The following RBFOX1 variants were observed in gnomAD, a reference collection of about 807,000 sequenced individuals.
RBFOX1 encodes the protein RNA binding protein fox-1 homolog 1.
In RBFOX1, 8 loss-of-function variants were observed where a neutral mutation model predicts 57.7. The ratio of observed to expected loss-of-function variants is 0.14; its 90% CI spans 0.08 to 0.25. RBFOX1 has a LOEUF of 0.25. Among genes scored for constraint, RBFOX1 ranks in the 10% least tolerant of loss-of-function variants. The probability of loss-of-function intolerance (pLI) is 1.00; values close to 1 mark genes in which losing one functional copy is unlikely to be tolerated. For missense variants in RBFOX1, 611 were observed against 548.5 expected, an observed-to-expected ratio of 1.11 and a Z score of -1.14; for synonymous variants, 326 against 222.4, an observed-to-expected ratio of 1.47 and a Z score of -4.15.
rs190528031 is a variant in RBFOX1, at chr16:6,187,961, A to G, written c.-126-129034A>G. On this transcript the variant is annotated intron_variant, in intron 1 of 15. Transcript: ENST00000550418. ...ACATGAATGTGTGTATTTAATCTCAACTATTCTTATTTTGCCATGAAATTA... is the reference window on the plus strand; with the variant it reads ...ACATGAATGTGTGTATTTAATCTCAGCTATTCTTATTTTGCCATGAAATTA... Among the ~76,000 whole-genome samples the G allele has an allele frequency of 3.9e-3, 600 of 152,252 alleles. 9 individuals carry two copies. The highest frequency in any genetic ancestry group is 2.4e-3 in the Non-Finnish European group (161 of 68,028).
intron 3 of RBFOX1, among the ~76,000 whole-genome samples, chr16:6,848,074 C>A (rs559817115): frequency 1.9e-4 from 29 of 152,052 alleles, no homozygotes; most frequent in Non-Finnish European, 2.8e-4. Context: ...TCAAGTGATC[C>A]ACCCACCTTG....
chr16:5,618,668 CAA>C (rs776938791), intron 3 of RBFOX1, among the ~76,000 whole-genome samples: 11 of 152,126 alleles, frequency 7.2e-5, no homozygotes, highest in Non-Finnish European at 1.3e-4. Context: ...AGTTATACCT[CAA>C]AAAAACTGTT....
rs566493163 is a variant in RBFOX1, at chr16:7,635,081, T to TATTA, written c.757+4399_757+4402dup. Among the ~76,000 whole-genome samples the TATTA allele has an allele frequency of 2.0e-5, 3 of 152,186 alleles. No homozygotes were observed. In the South Asian group the frequency reaches 6.2e-4, roughly 32 times the overall value. On this transcript the variant is annotated intron_variant, in intron 11 of 15. Coordinates refer to ENST00000550418, the MANE Select transcript of RBFOX1 (RefSeq NM_018723.4). Reference sequence around the variant, plus strand: ...TTGTTGAGGGGAAAGGTACTAGGTGTATTATTGCCAGCGCTGTTTTGCATA... The same window carrying TATTA: ...TTGTTGAGGGGAAAGGTACTAGGTGTATTAATTATTGCCAGCGCTGTTTTGCATA...
At chr16:7,361,942 G>C (rs1285579580) in intron 4 of RBFOX1, among the ~76,000 whole-genome samples, 1 of 150,592 alleles carries the variant, frequency 6.6e-6, no homozygotes, top group Non-Finnish European at 1.5e-5. Flanking sequence ...GTGTATGTGT[G>C]TGCATGTTTT....
intron 4 of RBFOX1, among the ~76,000 whole-genome samples, chr16:6,006,753 C>G (rs551911533): frequency 6.6e-6 from 1 of 152,240 alleles, no homozygotes; most frequent in African/African-American, 2.4e-5. Context: ...ATAATACCAG[C>G]TAAAGCTGTT....
intron 4 of RBFOX1, among the ~76,000 whole-genome samples, chr16:7,455,073 C>G (rs189201817): frequency 6.6e-6 from 1 of 152,312 alleles, no homozygotes; most frequent in African/African-American, 2.4e-5. Flanking sequence ...CTAGGCACAA[C>G]GGATTCGATA....
At chr16:7,055,989 A>C (rs1395084772) in intron 4 of RBFOX1, among the ~76,000 whole-genome samples, 2 of 152,130 alleles carry the variant, frequency 1.3e-5, no homozygotes, top group Non-Finnish European at 2.9e-5. Context: ...CTTCCATCCT[A>C]ACCTATATCC....
At position 5,316,300 on chromosome 16, in the gene RBFOX1, G is replaced by A. The variant is rs375953881; in HGVS notation, c.219+76195G>A. ...CTTATTGCATTTCCTCAAGACACTT[G>A]CCTCAGTGTGGCATTGCACCTTCTA... is the stretch of plus-strand genomic sequence containing the variant. On this transcript the variant is annotated intron_variant, in intron 1 of 2. Transcript: ENST00000585867. Among the ~76,000 whole-genome samples, 12 of 152,298 alleles carry A rather than the reference G, an allele frequency of 7.9e-5. No individual in the cohort carries two copies. In the East Asian group the frequency reaches 1.9e-3, roughly 25 times the overall value.
At chr16:5,341,969 C>T (rs936394073) in intron 1 of RBFOX1, among the ~76,000 whole-genome samples, 9 of 152,238 alleles carry the variant, frequency 5.9e-5, no homozygotes, top group African/African-American at 2.2e-4. Flanking sequence ...TTTGGATCAC[C>T]CTTTTGGGAA....
chr16:6,544,763 T>A (rs758779559), intron 2 of RBFOX1, among the ~76,000 whole-genome samples: 15 of 152,176 alleles, frequency 9.9e-5, no homozygotes, highest in Non-Finnish European at 2.2e-4. Context: ...AACACTCCTC[T>A]CTCAAAGATA....
chr16:7,429,463 G>A (rs2098657331), intron 4 of RBFOX1, among the ~76,000 whole-genome samples: 1 of 152,144 alleles, frequency 6.6e-6, no homozygotes, highest in Admixed American at 6.5e-5. Flanking sequence ...CCAGCACACT[G>A]TACTTTTCCT....
intron 3 of RBFOX1, among the ~76,000 whole-genome samples, chr16:7,015,995 G>T (rs1287734871): frequency 6.6e-6 from 1 of 152,078 alleles, no homozygotes; most frequent in African/African-American, 2.4e-5. Context: ...AGTAGTTATT[G>T]CTGTGTGGTG....
intron 4 of RBFOX1, among the ~76,000 whole-genome samples, chr16:7,088,351 A>C (rs77293349): frequency 1.3e-5 from 2 of 152,132 alleles, no homozygotes; most frequent in African/African-American, 4.8e-5. Context: ...TTTCTCTCTC[A>C]CAAGTGACTA....
chr16:6,932,892 A>G (rs959671889), intron 3 of RBFOX1, among the ~76,000 whole-genome samples: 3 of 151,956 alleles, frequency 2.0e-5, no homozygotes, highest in Non-Finnish European at 4.4e-5. Flanking sequence ...TTAAACATTA[A>G]CTCCCATTAT....
At chr16:6,941,901 G>A (rs1039339873) in intron 3 of RBFOX1, among the ~76,000 whole-genome samples, 1 of 152,130 alleles carries the variant, frequency 6.6e-6, no homozygotes. Context: ...TCAAATGCCT[G>A]TGCTCAAGCA....
rs202168791 is a variant in RBFOX1 at position 7,671,633 on chromosome 16, C to G, written c.931-5141C>G. 3.8e-5 allele frequency: 60 copies of G among 1,584,624 alleles called. 1 individual carries two copies. The Admixed American group carries it at 8.8e-4, about 23-fold the overall frequency. The stretch of plus-strand genomic sequence containing the variant: ...TCCCGACTGGTGGAGAAACTCATCA[C>G]TATGATTGTGGGTTTGCTGTGAAAT... On this transcript the variant is annotated intron_variant, in intron 13 of 15. Transcript: ENST00000550418.
chr16:6,354,936 G>T (rs1241630443), intron 2 of RBFOX1, among the ~76,000 whole-genome samples: 2 of 152,130 alleles, frequency 1.3e-5, no homozygotes, highest in Non-Finnish European at 2.9e-5. Flanking sequence ...AGACCCAAGT[G>T]CTCTGCAGAT....
chr16:5,774,715 C>G (rs74006278), intron 3 of RBFOX1, among the ~76,000 whole-genome samples: 4,326 of 152,250 alleles, frequency 0.028, 203 homozygotes, highest in African/African-American at 0.097. Flanking sequence ...TAAAGTCTCA[C>G]TCTCTCGCCC....
chr16:5,968,806 GT>G, intron 4 of RBFOX1, among the ~76,000 whole-genome samples: 1 of 151,840 alleles, frequency 6.6e-6, no homozygotes, highest in Non-Finnish European at 1.5e-5. Context: ...CTTTTCTCTT[GT>G]TTTCTCTTTC....
Sources: allele counts gnomAD v4.1 joint callset (sites outside exome capture counted in the v4.1 genomes callset), GRCh38; gene constraint gnomAD v4.1.1; transcripts MANE v1.5; gene names NCBI Gene and HGNC (gene_info 2026-07-23, HGNC 2026-07-21).